MARCHF1: variants seen among roughly 807,000 people sequenced by gnomAD.
The protein encoded by MARCHF1 is E3 ubiquitin-protein ligase MARCHF1.
MARCHF1 carries 40 observed loss-of-function variants against 54.2 expected under a neutral mutation model. The ratio of observed to expected loss-of-function variants is 0.74; its 90% CI spans 0.57 to 0.96. MARCHF1 has a LOEUF of 0.96. Among genes scored for constraint, MARCHF1 ranks in the 40% least tolerant of loss-of-function variants. The pLI is 0.00. For missense variants in MARCHF1, 586 were observed against 656.5 expected (o/e 0.89, Z 1.17); for synonymous variants, 236 against 236.3 (o/e 1.00, Z 0.01).
At chr4:163,606,530 G>A (rs553342599) in intron 7 of MARCHF1, among the ~76,000 whole-genome samples, 1 of 152,080 alleles carries the variant, frequency 6.6e-6, no homozygotes, top group East Asian at 1.9e-4. Context: ...GACTAGCTTA[G>A]AAAACCTTTT....
intron 3 of MARCHF1, among the ~76,000 whole-genome samples, chr4:163,908,365 A>T (rs568186306): frequency 3.3e-5 from 5 of 152,274 alleles, no homozygotes; most frequent in African/African-American, 9.6e-5. Context: ...AGAGAGAGAG[A>T]GGAGAAAAAG....
chr4:163,611,381 C>G (rs538602352), intron 7 of MARCHF1, among the ~76,000 whole-genome samples: 24 of 152,004 alleles, frequency 1.6e-4, no homozygotes, highest in Non-Finnish European at 4.4e-5. Context: ...GTAATTCACA[C>G]GAACATGCAT....
intron 1 of MARCHF1, among the ~76,000 whole-genome samples, chr4:164,333,417 AC>A (rs1729628047): frequency 6.6e-6 from 1 of 152,164 alleles, no homozygotes. Flanking sequence ...GTATCTCTTT[AC>A]CACATTATGC....
intron 1 of MARCHF1, among the ~76,000 whole-genome samples, chr4:164,202,677 C>T (rs1731486579): frequency 6.6e-6 from 1 of 152,288 alleles, no homozygotes; most frequent in South Asian, 2.1e-4. Context: ...TCCATGATTT[C>T]CCACTACGCC....
Position 163,759,264 on chromosome 4 carries a change from A to G in MARCHF1, c.112-58401T>C, listed in dbSNP as rs145991583. Among the ~76,000 whole-genome samples, 297 of 152,252 alleles carry G rather than the reference A, an allele frequency of 2.0e-3. 1 individual carries two copies. The highest frequency in any genetic ancestry group is 6.7e-3 in the African/African-American group (278 of 41,546). On this transcript the variant is annotated intron_variant, in intron 4 of 9. Transcript: ENST00000514618. Reference sequence around the variant, plus strand: ...AGCCATGTGACTCTTTTGGAAGTCAATAACATAATACACACATACCAATTA... The same window carrying G: ...AGCCATGTGACTCTTTTGGAAGTCAGTAACATAATACACACATACCAATTA...
intron 1 of MARCHF1, among the ~76,000 whole-genome samples, chr4:164,148,966 T>G (rs1415308348): frequency 6.6e-6 from 1 of 152,126 alleles, no homozygotes; most frequent in African/African-American, 2.4e-5. Flanking sequence ...CCTCCAATGT[T>G]GGAGGTGGGC....
At chr4:164,284,106 A>C (rs138675276) in intron 1 of MARCHF1, among the ~76,000 whole-genome samples, 1 of 151,226 alleles carries the variant, frequency 6.6e-6, no homozygotes, top group East Asian at 2.0e-4. Flanking sequence ...ACTGAAACTG[A>C]GAAAGCTTAG....
chr4:163,859,856 C>G (rs1010919092), intron 3 of MARCHF1, among the ~76,000 whole-genome samples: 1 of 152,170 alleles, frequency 6.6e-6, no homozygotes, highest in Non-Finnish European at 1.5e-5. Flanking sequence ...TAAATAGTTA[C>G]ACCCAGAGAT....
In MARCHF1 at chr4:163,525,162, A is replaced by C. The variant is rs1020322546; in HGVS notation, c.*3586T>G. 8 of 152,182 alleles carry C rather than the reference A, an allele frequency of 5.3e-5. No individual in the cohort carries two copies. The highest frequency in any genetic ancestry group is 1.9e-4 in the African/African-American group (8 of 41,454). 9.4% of individuals were successfully genotyped at this position (152,182 alleles called of 1,614,324 possible). A position where few individuals can be genotyped will look rare whatever the true frequency, so the allele number is the denominator to read the frequency against. ...TCATTTTCAAGGCAAGGAAGGGTAA[A>C]CTATATGGGGCAGATAGAAAAATCT... On this transcript the variant is annotated 3_prime_UTR_variant, in exon 10 of 10. Coordinates refer to ENST00000514618, the MANE Select transcript of MARCHF1 (RefSeq NM_001394959.1).
chr4:163,753,791 T>C (rs1746591209), intron 4 of MARCHF1, among the ~76,000 whole-genome samples: 1 of 152,128 alleles, frequency 6.6e-6, no homozygotes, highest in Non-Finnish European at 1.5e-5. Context: ...GGCAATGTTG[T>C]TAGGATGGGT....
chr4:163,754,660 G>A (rs557832796), intron 4 of MARCHF1, among the ~76,000 whole-genome samples: 20 of 152,072 alleles, frequency 1.3e-4, no homozygotes, highest in African/African-American at 4.3e-4. Flanking sequence ...CCAAGACCAC[G>A]CTAAGCCTCA....
chr4:164,221,576 T>C (rs978989277), intron 1 of MARCHF1, among the ~76,000 whole-genome samples: 1 of 152,062 alleles, frequency 6.6e-6, no homozygotes, highest in Non-Finnish European at 1.5e-5. Context: ...AACCTAACTG[T>C]AGTGAATTAA....
chr4:163,940,131 A>T (rs1751881992), intron 3 of MARCHF1, among the ~76,000 whole-genome samples: 1 of 152,124 alleles, frequency 6.6e-6, no homozygotes, highest in Admixed American at 6.6e-5. Context: ...TCTGCAAATG[A>T]GGAAGAGTGC....
intron 1 of MARCHF1, among the ~76,000 whole-genome samples, chr4:164,163,755 T>C (rs1730300283): frequency 6.6e-6 from 1 of 151,942 alleles, no homozygotes; most frequent in Non-Finnish European, 1.5e-5. Flanking sequence ...TTGACATTTA[T>C]AGAGTATTCC....
rs1245139762 is a variant in MARCHF1 at position 164,311,049 on chromosome 4, C to T, written c.-323+72821G>A. On this transcript the variant is annotated intron_variant, in intron 1 of 9. Coordinates refer to ENST00000514618, the MANE Select transcript of MARCHF1 (RefSeq NM_001394959.1). ...TTCCAAGGAAAATAAAAAGTGGAAC[C>T]ATTCTAATAGCACTCTAAATGCTGA... 3.3e-5 allele frequency among the ~76,000 whole-genome samples: 5 copies of T among 152,120 alleles called. No homozygotes were observed. The South Asian group carries it at 6.2e-4, about 19-fold the overall frequency.
chr4:164,212,641 T>C (rs1293100751), intron 1 of MARCHF1, among the ~76,000 whole-genome samples: 1 of 152,164 alleles, frequency 6.6e-6, no homozygotes, highest in African/African-American at 2.4e-5. Context: ...GGGAGATTGG[T>C]TCCAGGTCTT....
Position 164,383,958 on chromosome 4 carries a change from G to A in MARCHF1, c.-411C>T, listed in dbSNP as rs953082954. ...GGCATTCTCCCATCCTTTGTCAGTT[G>A]CGGGTGGAGCGCTCCTCCCCAGCTA... On this transcript the variant is annotated 5_prime_UTR_variant, in exon 1 of 10. Transcript: ENST00000514618. 1 of 152,230 alleles carries A rather than the reference G, an allele frequency of 6.6e-6. No homozygotes were observed. Among genetic ancestry groups the A allele is most frequent in the Non-Finnish European group, 1.5e-5 (1 of 68,092 alleles). The allele number at this position is 152,230 out of a possible 1,614,324, so 9.4% of individuals were successfully genotyped here.
At chr4:164,019,544 A>G (rs778528459) in intron 2 of MARCHF1, among the ~76,000 whole-genome samples, 3 of 152,130 alleles carry the variant, frequency 2.0e-5, no homozygotes, top group Admixed American at 6.5e-5. Flanking sequence ...TAGCATCACA[A>G]TTTTCAATTT....
chr4:163,705,173 G>A (rs1435478477), intron 4 of MARCHF1, among the ~76,000 whole-genome samples: 1 of 151,734 alleles, frequency 6.6e-6, no homozygotes. Flanking sequence ...AGGGCATGCT[G>A]ATTTTACAAC....
Sources: allele counts gnomAD v4.1 joint callset (sites outside exome capture counted in the v4.1 genomes callset), GRCh38; gene constraint gnomAD v4.1.1; transcripts MANE v1.5; gene names NCBI Gene and HGNC (gene_info 2026-07-23, HGNC 2026-07-21).